Variants in FBXO34 observed in about 807,000 individuals in gnomAD.
FBXO34 encodes the protein F-box protein 34, also known as F-box only protein 34.
In FBXO34, 12 loss-of-function variants were observed where a neutral mutation model predicts 24.5. The ratio of observed to expected loss-of-function variants is 0.49; its 90% CI spans 0.31 to 0.79. The LOEUF (loss-of-function observed/expected upper bound fraction) is 0.79, where lower values mean the gene tolerates loss of function less well. Among genes scored for constraint, FBXO34 ranks in the 30% least tolerant of loss-of-function variants. FBXO34 has a pLI of 0.04. For synonymous variants in FBXO34, 320 were observed against 311.9 expected (o/e 1.03, Z -0.27); for missense variants, 823 against 857.7 (o/e 0.96, Z 0.51).
At chr14:55,380,441 A>G in the FBXO34 span, 19 of 629,792 alleles carry the variant, frequency 3.0e-5, no homozygotes, top group East Asian at 2.8e-5. Flanking sequence ...ATTAATCTCA[A>G]TATTTCAATC....
At chr14:55,369,997 G>A (rs907953400), downstream of FBXO34, 6 of 1,472,264 alleles carry the variant, frequency 4.1e-6, no homozygotes, top group Middle Eastern at 5.5e-4. Context: ...CCATCTTCCT[G>A]AAGGCCCTCA....
the FBXO34 span, among the ~76,000 whole-genome samples, chr14:55,393,217 TAA>T: frequency 0.056 from 8,539 of 151,568 alleles, 387 homozygotes; most frequent in Non-Finnish European, 0.074. Flanking sequence ...CCGTCTCTAC[TAA>T]AAAAACACAA....
At chr14:55,380,291 G>A in the FBXO34 span, among the ~76,000 whole-genome samples, 2 of 151,716 alleles carry the variant, frequency 1.3e-5, no homozygotes, top group East Asian at 1.9e-4. Context: ...AGAATTCAAC[G>A]GCTGCGATTT....
the FBXO34 span, among the ~76,000 whole-genome samples, chr14:55,437,868 TAGA>T: frequency 2.0e-5 from 3 of 152,202 alleles, no homozygotes; most frequent in Non-Finnish European, 2.9e-5. Context: ...ATGTTCTAGT[TAGA>T]AGAATTTACA....
intron 1 of FBXO34, among the ~76,000 whole-genome samples, chr14:55,348,208 G>T (rs1267115289): frequency 1.3e-5 from 2 of 152,044 alleles, no homozygotes; most frequent in East Asian, 3.9e-4. Context: ...TGGTTGGTTG[G>T]GTTTGTTTGG....
chr14:55,357,476 T>C (rs956175782), downstream of FBXO34, among the ~76,000 whole-genome samples: 6 of 152,214 alleles, frequency 3.9e-5, no homozygotes, highest in African/African-American at 1.4e-4. Flanking sequence ...TCATTCTTTT[T>C]GAATTAAGGT....
rs767614820 is a variant in FBXO34, at chr14:55,351,628, G to T, written c.1238G>T (p.Gly413Val). 7 of 1,614,010 alleles carry T rather than the reference G, an allele frequency of 4.3e-6. No individual in the cohort carries two copies. The highest frequency in any genetic ancestry group is 5.1e-6 in the Non-Finnish European group (6 of 1,180,034). ...YDVEMTDELV[G>V]LPFSSHTYSQ... Reference sequence around the variant, plus strand: ...GTGGAAATGACAGATGAACTCGTTGGGTTACCTTTTTCCTCTCATACCTAT... The same window carrying T: ...GTGGAAATGACAGATGAACTCGTTGTGTTACCTTTTTCCTCTCATACCTAT... Residue 413 changes from glycine (G) to valine (V), a missense_variant, in exon 2 of 2, where the codon GGG becomes GTG. Physicochemically the swap from Gly to Val is moderately radical, Grantham distance 109 (BLOSUM62 -3). Around this residue, in one of 2 missense-constraint regions of FBXO34, gnomAD observed 693 missense variants for 659.1 expected, o/e 1.05. Transcript: ENST00000313833.
At chr14:55,316,640 A>G (rs916323648) in intron 1 of FBXO34, among the ~76,000 whole-genome samples, 1 of 150,136 alleles carries the variant, frequency 6.7e-6, no homozygotes, top group Non-Finnish European at 1.5e-5. Context: ...AGGTGGGAGG[A>G]TCACTTGAAC....
At chr14:55,414,462 A>G in the FBXO34 span, 24 of 1,591,322 alleles carry the variant, frequency 1.5e-5, no homozygotes, top group African/African-American at 2.6e-4. Context: ...GCACCTATAA[A>G]GAAATCCAGG....
At chr14:55,280,124 T>G (rs1181720446) in intron 1 of FBXO34, among the ~76,000 whole-genome samples, 2 of 152,252 alleles carry the variant, frequency 1.3e-5, no homozygotes, top group Non-Finnish European at 1.5e-5. Context: ...ACATTTTATA[T>G]GTATGTAAAA....
chr14:55,438,005 A>G, the FBXO34 span, among the ~76,000 whole-genome samples: 2 of 152,246 alleles, frequency 1.3e-5, no homozygotes, highest in African/African-American at 4.8e-5. Flanking sequence ...GCACCTGAGG[A>G]AAGCAACTAA....
At chr14:55,291,071 C>T (rs978912668) in intron 1 of FBXO34, among the ~76,000 whole-genome samples, 10 of 152,130 alleles carry the variant, frequency 6.6e-5, no homozygotes, top group Admixed American at 5.2e-4. Flanking sequence ...AAGTGATCCT[C>T]CTGCCTTGGC....
chr14:55,388,878 G>T, the FBXO34 span, among the ~76,000 whole-genome samples: 19,501 of 152,134 alleles, frequency 0.13, 1,654 homozygotes, highest in Non-Finnish European at 0.17. Context: ...GTCTAGATCT[G>T]GGCCCATCTG....
intron 1 of FBXO34, among the ~76,000 whole-genome samples, chr14:55,303,707 C>A (rs1373590890): frequency 6.6e-6 from 1 of 151,364 alleles, no homozygotes; most frequent in Non-Finnish European, 1.5e-5. Context: ...TTGCTTCCCA[C>A]TCCCCCTTAA....
chr14:55,330,268 A>G (rs528109529), intron 1 of FBXO34, among the ~76,000 whole-genome samples: 10 of 152,008 alleles, frequency 6.6e-5, no homozygotes, highest in African/African-American at 2.2e-4. Context: ...ATTTGTTTCA[A>G]ATCTGTTTTA....
chr14:55,320,068 A>G (rs1883075602), intron 1 of FBXO34, among the ~76,000 whole-genome samples: 1 of 152,206 alleles, frequency 6.6e-6, no homozygotes, highest in African/African-American at 2.4e-5. Context: ...GTGAAAAAAA[A>G]AATGTATGCA....
the FBXO34 span, chr14:55,411,631 G>T: frequency 1.2e-6 from 2 of 1,612,542 alleles, no homozygotes; most frequent in Non-Finnish European, 8.5e-7. Context: ...CGAAGTAGAC[G>T]AAATCGCCGC....
rs762670037 is a variant in FBXO34 at position 55,352,401 on chromosome 14, T to C, written c.2011T>C (p.Ser671Pro). 2 of 1,614,050 alleles carry C rather than the reference T, an allele frequency of 1.2e-6. No homozygotes were observed. Among genetic ancestry groups the C allele is most frequent in the Non-Finnish European group, 1.7e-6 (2 of 1,180,048 alleles). Reference sequence around the variant, plus strand: ...AGGGTATTGGATGTGCTGCCACCGGTCTCAGAAAGGATTCCCTGGCTGTAA... The same window carrying C: ...AGGGTATTGGATGTGCTGCCACCGGCCTCAGAAAGGATTCCCTGGCTGTAA... ...GPGYWMCCHR[S>P]QKGFPGCKLG... is the part of the protein sequence containing the mutation. The change falls in exon 2 of 2, where the codon TCT becomes CCT. Residue 671 changes from serine to proline, a missense_variant. Transcript: ENST00000313833.
At chr14:55,390,995 G>A in the FBXO34 span, 1 of 1,596,738 alleles carries the variant, frequency 6.3e-7, no homozygotes, top group South Asian at 1.1e-5. Flanking sequence ...TTCCATCTCT[G>A]AAAAAAGCAT....
Sources: allele counts gnomAD v4.1 joint callset (sites outside exome capture counted in the v4.1 genomes callset), GRCh38; gene constraint gnomAD v4.1.1; regional missense constraint gnomAD v4.1.1; transcripts MANE v1.5; gene names NCBI Gene and HGNC (gene_info 2026-07-23, HGNC 2026-07-21).